SHB: variants seen among roughly 807,000 people sequenced by gnomAD.
SHB encodes SH2 domain containing adaptor protein B.
Under a neutral mutation model 52.3 loss-of-function variants are expected in SHB, and 20 were observed. The observed-to-expected ratio is 0.38, with a 90% CI of 0.27 to 0.56. SHB has a LOEUF of 0.56. SHB is among the 20% of genes least tolerant of loss of function. The probability of loss-of-function intolerance (pLI) is 0.71; values close to 1 mark genes in which losing one functional copy is unlikely to be tolerated. For missense variants in SHB, 825 were observed against 723.3 expected, an observed-to-expected ratio of 1.14 and a Z score of -1.61; for synonymous variants, 397 against 316.5, an observed-to-expected ratio of 1.25 and a Z score of -2.70.
At chr9:37,988,595 G>A (rs1477499048) in intron 2 of SHB, among the ~76,000 whole-genome samples, 1 of 152,130 alleles carries the variant, frequency 6.6e-6, no homozygotes, top group African/African-American at 2.4e-5. Flanking sequence ...CCACCGACAA[G>A]CTTCTCTTCC....
At chr9:38,006,357 C>G (rs1262369937) in intron 2 of SHB, among the ~76,000 whole-genome samples, 2 of 152,224 alleles carry the variant, frequency 1.3e-5, no homozygotes, top group Non-Finnish European at 2.9e-5. Context: ...GTGCCACACC[C>G]CTGCAGTGTG....
At chr9:38,060,334 C>T (rs139478654) in intron 1 of SHB, among the ~76,000 whole-genome samples, 3 of 152,094 alleles carry the variant, frequency 2.0e-5, no homozygotes, top group Admixed American at 6.5e-5. Context: ...GCCAACACGC[C>T]GAGCTAATTT....
At chr9:38,050,777 A>C (rs909071272) in intron 1 of SHB, among the ~76,000 whole-genome samples, 2 of 152,240 alleles carry the variant, frequency 1.3e-5, no homozygotes, top group African/African-American at 4.8e-5. Flanking sequence ...TGTAGAAAAC[A>C]GATGTAATCA....
intron 4 of SHB, among the ~76,000 whole-genome samples, chr9:37,952,823 A>C (rs1832581916): frequency 1.3e-5 from 2 of 152,010 alleles, no homozygotes; most frequent in African/African-American, 4.8e-5. Context: ...GCAAGTTTCG[A>C]GGAGAAGATC....
chr9:38,012,767 C>G (rs556336015), intron 2 of SHB, among the ~76,000 whole-genome samples: 2 of 150,410 alleles, frequency 1.3e-5, no homozygotes, highest in African/African-American at 4.9e-5. Flanking sequence ...TTCTTGTCAG[C>G]GTTATGCTTA....
chr9:37,917,600 C>T lies in SHB; in HGVS notation c.*2221G>A, dbSNP rs1271815824. ...TTCCTCAGCCTCTCTTGGGCCTCCT[C>T]TGAGAATAAGCCTTGGGGTCCAGGC... On this transcript the variant is annotated 3_prime_UTR_variant, in exon 6 of 6. Coordinates refer to ENST00000377707, the MANE Select transcript of SHB (RefSeq NM_003028.3). Among the ~76,000 whole-genome samples, 3 of 152,240 alleles carry T rather than the reference C, an allele frequency of 2.0e-5. No individual in the cohort carries two copies. The highest frequency in any genetic ancestry group is 2.9e-5 in the Non-Finnish European group (2 of 68,040).
chr9:38,009,078 C>T (rs1444756756), intron 2 of SHB, among the ~76,000 whole-genome samples: 1 of 152,220 alleles, frequency 6.6e-6, no homozygotes, highest in East Asian at 1.9e-4. Flanking sequence ...GGCAGGGTGG[C>T]CAGAGGCAGC....
At chr9:38,048,444 G>C (rs10973653) in intron 1 of SHB, among the ~76,000 whole-genome samples, 1 of 152,018 alleles carries the variant, frequency 6.6e-6, no homozygotes, top group African/African-American at 2.4e-5. Context: ...GATCAGCCTG[G>C]GCAGCACAGT....
chr9:37,931,749 C>T (rs1428598355), intron 5 of SHB, among the ~76,000 whole-genome samples: 1 of 152,136 alleles, frequency 6.6e-6, no homozygotes, highest in Non-Finnish European at 1.5e-5. Context: ...GGCATATACC[C>T]AAAGGAAGTA....
At chr9:37,985,548 G>A (rs1443612856) in intron 2 of SHB, among the ~76,000 whole-genome samples, 1 of 152,268 alleles carries the variant, frequency 6.6e-6, no homozygotes, top group Non-Finnish European at 1.5e-5. Context: ...GAGACTCACT[G>A]AGGCGAGCTT....
At chr9:38,041,811 A>G (rs958221519) in intron 1 of SHB, among the ~76,000 whole-genome samples, 1 of 152,170 alleles carries the variant, frequency 6.6e-6, no homozygotes, top group African/African-American at 2.4e-5. Context: ...AAGCACAAGC[A>G]GAGGAGAGGT....
intron 4 of SHB, among the ~76,000 whole-genome samples, chr9:37,954,713 T>A (rs1832607847): frequency 6.6e-6 from 1 of 152,176 alleles, no homozygotes; most frequent in Non-Finnish European, 1.5e-5. Flanking sequence ...TCTAGTCCAG[T>A]TATGAGACAC....
rs545877249 is a variant in SHB, at chr9:38,000,940, T to C, written c.838+15071A>G. On this transcript the variant is annotated intron_variant, in intron 2 of 5. Coordinates refer to ENST00000377707, the MANE Select transcript of SHB (RefSeq NM_003028.3). ...CTCTGAGACCTCATCTCACCATCTA[T>C]ACAATGGAGATAGCACCACGTGTCC... 2.6e-3 allele frequency among the ~76,000 whole-genome samples: 390 copies of C among 152,304 alleles called. 3 individuals are homozygous for C. The highest frequency in any genetic ancestry group is 4.4e-3 in the Non-Finnish European group (302 of 68,022).
chr9:37,925,535 G>C (rs1448987972), intron 5 of SHB, among the ~76,000 whole-genome samples: 1 of 152,222 alleles, frequency 6.6e-6, no homozygotes, highest in Non-Finnish European at 1.5e-5. Flanking sequence ...CAGCCGCCCA[G>C]TGTCCCCTGC....
intron 5 of SHB, among the ~76,000 whole-genome samples, chr9:37,934,198 T>TC (rs1832343793): frequency 6.6e-6 from 1 of 152,052 alleles, no homozygotes; most frequent in African/African-American, 2.4e-5. Flanking sequence ...TCCCAGCCCC[T>TC]CCCAAGTCCC....
intron 1 of SHB, among the ~76,000 whole-genome samples, chr9:38,058,995 C>T (rs924480470): frequency 2.0e-5 from 3 of 152,232 alleles, no homozygotes; most frequent in Admixed American, 1.3e-4. Flanking sequence ...ATTTACTTGA[C>T]TCCTGTCATG....
chr9:37,937,451 T>A (rs945612500), intron 5 of SHB, among the ~76,000 whole-genome samples: 3 of 151,206 alleles, frequency 2.0e-5, no homozygotes, highest in Non-Finnish European at 4.4e-5. Context: ...GGTGAAATAA[T>A]CTTTAAAAAG....
intron 5 of SHB, among the ~76,000 whole-genome samples, chr9:37,938,865 G>A (rs1311339977): frequency 1.3e-5 from 2 of 152,182 alleles, no homozygotes; most frequent in Admixed American, 6.5e-5. Flanking sequence ...ATGAGAGCAG[G>A]CACCTCTTGC....
At chr9:37,949,413 A>G (rs1234591365) in intron 4 of SHB, among the ~76,000 whole-genome samples, 1 of 151,636 alleles carries the variant, frequency 6.6e-6, no homozygotes, top group Non-Finnish European at 1.5e-5. Flanking sequence ...AAAAAAAAGA[A>G]AAAGAAAAAA....
Sources: gnomAD v4.1 joint callset for allele counts (sites outside exome capture counted in the v4.1 genomes callset) on GRCh38, gnomAD v4.1.1 for gene constraint, MANE v1.5 for transcripts, NCBI Gene and HGNC (gene_info 2026-07-23, HGNC 2026-07-21) for gene names.